CDC42SE2: variants seen among roughly 807,000 people sequenced by gnomAD.
CDC42SE2 encodes the protein CDC42 small effector 2, also known as CDC42 small effector protein 2.
In CDC42SE2, 3 loss-of-function variants were observed where a neutral mutation model predicts 11.5. The ratio of observed to expected loss-of-function variants is 0.26; its 90% CI spans 0.12 to 0.67. The LOEUF is 0.67. CDC42SE2 is among the 30% of genes least tolerant of loss of function. The probability of loss-of-function intolerance (pLI) is 0.80; values close to 1 mark genes in which losing one functional copy is unlikely to be tolerated. For synonymous variants in CDC42SE2, 33 were observed against 34.8 expected, an observed-to-expected ratio of 0.95 and a Z score of 0.18; for missense variants, 82 against 106.8, an observed-to-expected ratio of 0.77 and a Z score of 1.02.
rs544220683 is a variant in CDC42SE2 at position 131,345,446 on chromosome 5, A to G, written c.-285-13763A>G. Among the ~76,000 whole-genome samples the G allele has an allele frequency of 1.2e-4, 19 of 152,302 alleles. No individual in the cohort carries two copies. In the South Asian group the frequency reaches 3.9e-3, roughly 32 times the overall value. On this transcript the variant is annotated intron_variant, in intron 2 of 4. Coordinates refer to ENST00000505065, the MANE Select transcript of CDC42SE2 (RefSeq NM_001375635.1). ...GAATGAAATGAAGTGAGAAGTTTAGAGAAAAAAGGGTAAAAAGAAATGAAC... is the reference window on the plus strand; with the variant it reads ...GAATGAAATGAAGTGAGAAGTTTAGGGAAAAAAGGGTAAAAAGAAATGAAC...
At chr5:131,364,298 G>T (rs569957341) in intron 3 of CDC42SE2, among the ~76,000 whole-genome samples, 2,023 of 152,292 alleles carry the variant, frequency 0.013, 34 homozygotes, top group African/African-American at 0.043. Context: ...ATTAAGTGCT[G>T]TATAGGCACA....
chr5:131,359,943 A>G (rs962703724), intron 3 of CDC42SE2, among the ~76,000 whole-genome samples: 3 of 152,204 alleles, frequency 2.0e-5, no homozygotes, highest in African/African-American at 2.4e-5. Flanking sequence ...CCTCAGAGCA[A>G]CCCTCTGAGG....
At chr5:131,255,487 G>A (rs1756672821) in intron 2 of CDC42SE2, 2 of 152,136 alleles carry the variant, frequency 1.3e-5, no homozygotes, top group Non-Finnish European at 2.9e-5. Context: ...CGAGAGAGCC[G>A]GGCGCAGTGG....
chr5:131,313,260 G>A (rs1757970019), intron 1 of CDC42SE2, among the ~76,000 whole-genome samples: 1 of 152,118 alleles, frequency 6.6e-6, no homozygotes, highest in Non-Finnish European at 1.5e-5. Context: ...GGGATTACAG[G>A]CATGAGCCAC....
chr5:131,278,275 C>T (rs1205667098), intron 1 of CDC42SE2, among the ~76,000 whole-genome samples: 2 of 152,144 alleles, frequency 1.3e-5, no homozygotes, highest in African/African-American at 4.8e-5. Flanking sequence ...TGTGCCACTG[C>T]GCCTGGCCTA....
At chr5:131,306,876 AT>A (rs909296328) in intron 1 of CDC42SE2, among the ~76,000 whole-genome samples, 17 of 151,736 alleles carry the variant, frequency 1.1e-4, no homozygotes, top group Non-Finnish European at 1.0e-4. Context: ...TGATTTCTTA[AT>A]TTTTTTTCCA....
At chr5:131,286,709 C>T (rs1267105098) in intron 1 of CDC42SE2, among the ~76,000 whole-genome samples, 1 of 151,900 alleles carries the variant, frequency 6.6e-6, no homozygotes, top group Non-Finnish European at 1.5e-5. Flanking sequence ...TTATGATGAT[C>T]TACTCCACTT....
chr5:131,212,664 A>T, the CDC42SE2 span, among the ~76,000 whole-genome samples: 1 of 152,176 alleles, frequency 6.6e-6, no homozygotes, highest in Non-Finnish European at 1.5e-5. Flanking sequence ...GTGTACAGTT[A>T]CACACCACTT....
chr5:131,340,970 C>A (rs965011943), intron 2 of CDC42SE2, among the ~76,000 whole-genome samples: 2 of 152,078 alleles, frequency 1.3e-5, no homozygotes, highest in African/African-American at 4.8e-5. Flanking sequence ...AACCACCATG[C>A]GTGGCCTGAG....
At chr5:131,278,708 TCCTCTCC>T (rs1757157868) in intron 1 of CDC42SE2, among the ~76,000 whole-genome samples, 1 of 59,008 alleles carries the variant, frequency 1.7e-5, no homozygotes, top group African/African-American at 6.8e-5. Context: ...TCCTTTCCTT[TCCTCTCC>T]CCTCCCCTCC....
chr5:131,363,977 T>C (rs1271514566), intron 3 of CDC42SE2, among the ~76,000 whole-genome samples: 1 of 152,160 alleles, frequency 6.6e-6, no homozygotes, highest in African/African-American at 2.4e-5. Context: ...ATTGCAGGCA[T>C]GAGCCACCAC....
At chr5:131,390,337 T>A (rs902421868) in intron 4 of CDC42SE2, among the ~76,000 whole-genome samples, 1 of 152,144 alleles carries the variant, frequency 6.6e-6, no homozygotes, top group African/African-American at 2.4e-5. Context: ...GTAATTGAGG[T>A]GATTATATAT....
intron 1 of CDC42SE2, among the ~76,000 whole-genome samples, chr5:131,292,997 CAGAT>C (rs948992696): frequency 1.4e-5 from 2 of 147,734 alleles, no homozygotes; most frequent in Admixed American, 6.8e-5. Flanking sequence ...AATGAATGAA[CAGAT>C]AGAGATATTT....
chr5:131,322,219 AC>A (rs1180647412), intron 2 of CDC42SE2, among the ~76,000 whole-genome samples: 1 of 152,186 alleles, frequency 6.6e-6, no homozygotes, highest in Non-Finnish European at 1.5e-5. Context: ...TTCTGAGTGT[AC>A]AGTTGAGTAG....
chr5:131,265,188 T>C (rs2149688665), intron 1 of CDC42SE2, among the ~76,000 whole-genome samples: 1 of 152,338 alleles, frequency 6.6e-6, no homozygotes, highest in East Asian at 1.9e-4. Context: ...CCGTTCTTAC[T>C]CTCAATATTA....
intron 2 of CDC42SE2, among the ~76,000 whole-genome samples, chr5:131,357,147 C>G (rs3756295): frequency 0.43 from 65,286 of 152,076 alleles, 17,233 homozygotes; most frequent in Non-Finnish European, 0.59. Flanking sequence ...CTGCCACTTC[C>G]TTGATTTAGA....
chr5:131,263,863 G>C (rs907285268), upstream of CDC42SE2: 7 of 152,318 alleles, frequency 4.6e-5, no homozygotes, highest in Non-Finnish European at 1.0e-4. Context: ...GAATCCCGGG[G>C]GTCCCATCGC....
At chr5:131,237,641 C>T in the CDC42SE2 span, among the ~76,000 whole-genome samples, 19,778 of 152,132 alleles carry the variant, frequency 0.13, 3,046 homozygotes, top group African/African-American at 0.37. Flanking sequence ...TGCAGTGGCA[C>T]GAGCATAGCT....
intron 1 of CDC42SE2, among the ~76,000 whole-genome samples, chr5:131,267,315 C>A (rs1756890664): frequency 6.6e-6 from 1 of 152,028 alleles, no homozygotes; most frequent in Non-Finnish European, 1.5e-5. Flanking sequence ...CCTTGGCCTC[C>A]CAAAGTGCTG....
Sources: allele counts gnomAD v4.1 joint callset (sites outside exome capture counted in the v4.1 genomes callset), GRCh38; gene constraint gnomAD v4.1.1; transcripts MANE v1.5; gene names NCBI Gene and HGNC (gene_info 2026-07-23, HGNC 2026-07-21).